The following TIMMDC1 variants were observed in gnomAD, a reference collection of about 807,000 sequenced individuals.
The protein encoded by TIMMDC1 is complex I assembly factor TIMMDC1, mitochondrial.
TIMMDC1 carries 25 observed loss-of-function variants against 32.6 expected under a neutral mutation model. That is an observed-to-expected ratio of 0.77 (90% CI 0.56 to 1.07). TIMMDC1 has a LOEUF of 1.07. TIMMDC1 is among the 50% of genes least tolerant of loss of function. The probability of loss-of-function intolerance (pLI) is 0.00; values close to 1 mark genes in which losing one functional copy is unlikely to be tolerated. For synonymous variants in TIMMDC1, 130 were observed against 127.6 expected (o/e 1.02, Z -0.13); for missense variants, 329 against 349.2 (o/e 0.94, Z 0.46).
At chr3:119,507,614 G>T (rs2081926245) in intron 4 of TIMMDC1, among the ~76,000 whole-genome samples, 1 of 152,050 alleles carries the variant, frequency 6.6e-6, no homozygotes, top group Non-Finnish European at 1.5e-5. Flanking sequence ...TCTTCATATG[G>T]TAAGTCCAGT....
In TIMMDC1 at chr3:119,500,918, A is replaced by G. The variant is rs76826434; in HGVS notation, c.360+58A>G. On this transcript the variant is annotated intron_variant, in intron 2 of 6. Transcript: ENST00000494664. ...ACACTGACTTAGTAATTCACTTTACACTTAATCATTCAATTAGGTTGTGGG... is the reference window on the plus strand; with the variant it reads ...ACACTGACTTAGTAATTCACTTTACGCTTAATCATTCAATTAGGTTGTGGG... 1,117 of 1,532,152 alleles carry G rather than the reference A, an allele frequency of 7.3e-4. 4 individuals carry two copies. In the African/African-American group the frequency reaches 0.014, roughly 19 times the overall value. The allele number at this position is 1,532,152 out of a possible 1,614,324, so 94.9% of individuals were successfully genotyped here. A position where few individuals can be genotyped will look rare whatever the true frequency, so the allele number is the denominator to read the frequency against.
intron 4 of TIMMDC1, 57 bp downstream of exon 4, chr3:119,504,078 T>A: frequency 7.6e-7 from 1 of 1,321,216 alleles, no homozygotes; most frequent in Non-Finnish European, 1.1e-6. Flanking sequence ...AGAAAATGTG[T>A]AAGGACTTAT....
At chr3:119,511,586 G>A (rs188778012) in intron 4 of TIMMDC1, among the ~76,000 whole-genome samples, 33 of 152,084 alleles carry the variant, frequency 2.2e-4, no homozygotes, top group African/African-American at 6.7e-4. Flanking sequence ...TAAGAAACTA[G>A]GAAACAGGAA....
rs1236665949 is a variant in TIMMDC1, at chr3:119,524,326, C to T, written c.*570C>T. ...GAAACGGTTCAACTTTGTTTCTTCCCTTAGTATTGCTGACAAAGTATCTGC... is the reference window on the plus strand; with the variant it reads ...GAAACGGTTCAACTTTGTTTCTTCCTTTAGTATTGCTGACAAAGTATCTGC... On this transcript the variant is annotated 3_prime_UTR_variant, in exon 7 of 7. Coordinates refer to ENST00000494664, the MANE Select transcript of TIMMDC1 (RefSeq NM_016589.4). The T allele has an allele frequency of 6.6e-6, 1 of 152,190 alleles. No individual in the cohort carries two copies. Among genetic ancestry groups the T allele is most frequent in the Non-Finnish European group, 1.5e-5 (1 of 68,016 alleles). The allele number at this position is 152,190 out of a possible 1,614,324, so 9.4% of individuals were successfully genotyped here. A position where few individuals can be genotyped will look rare whatever the true frequency, so the allele number is the denominator to read the frequency against.
At chr3:119,500,002 C>T (rs1361782556) in intron 1 of TIMMDC1, among the ~76,000 whole-genome samples, 1 of 152,168 alleles carries the variant, frequency 6.6e-6, no homozygotes, top group South Asian at 2.1e-4. Flanking sequence ...GATTTGAACT[C>T]GGGCTCAAGT....
At chr3:119,501,887 T>C (rs928521243) in intron 2 of TIMMDC1, among the ~76,000 whole-genome samples, 17 of 152,178 alleles carry the variant, frequency 1.1e-4, no homozygotes, top group African/African-American at 4.1e-4. Flanking sequence ...TTTGATGGTT[T>C]CTCATGACTG....
chr3:119,500,916 A>G, intron 2 of TIMMDC1, 56 bp downstream of exon 2: 1 of 1,535,048 alleles, frequency 6.5e-7, no homozygotes, highest in Non-Finnish European at 8.9e-7. Flanking sequence ...AATTCACTTT[A>G]CACTTAATCA....
Position 119,503,513 on chromosome 3 carries a change from GT to G in TIMMDC1, c.361-13del. On this transcript the variant is annotated intron_variant, in intron 2 of 6. Coordinates refer to ENST00000494664, the MANE Select transcript of TIMMDC1 (RefSeq NM_016589.4). ...TATGATGGTGTCTTAGAACCTCACA[GT>G]TTTTTAATTAACTTTAGCAATCTGC... 2 of 1,579,120 alleles carry G rather than the reference GT, an allele frequency of 1.3e-6. No individual in the cohort carries two copies. Among genetic ancestry groups the G allele is most frequent in the South Asian group, 1.2e-5 (1 of 84,986 alleles).
intron 4 of TIMMDC1, among the ~76,000 whole-genome samples, chr3:119,509,690 T>A (rs1480852790): frequency 6.6e-6 from 1 of 151,630 alleles, no homozygotes; most frequent in Admixed American, 6.6e-5. Context: ...AACTAAATTT[T>A]TTTTTTTTTT....
chr3:119,505,655 C>T (rs1298551776), intron 4 of TIMMDC1, among the ~76,000 whole-genome samples: 1 of 152,190 alleles, frequency 6.6e-6, no homozygotes, highest in Non-Finnish European at 1.5e-5. Context: ...GCGTAAGCTA[C>T]CACGCCCGGC....
At chr3:119,513,482 G>A (rs892459927) in intron 4 of TIMMDC1, among the ~76,000 whole-genome samples, 159 bp from the exon 5 acceptor site, 7 of 152,198 alleles carry the variant, frequency 4.6e-5, no homozygotes, top group Admixed American at 6.5e-5. Flanking sequence ...GAAGCTACCT[G>A]TGTTGGCATT....
chr3:119,500,338 A>G (rs2081861455), intron 1 of TIMMDC1: 2 of 165,588 alleles, frequency 1.2e-5, no homozygotes, highest in Non-Finnish European at 2.6e-5. Context: ...TAGGAAATGC[A>G]TTTCGAAAAA....
intron 4 of TIMMDC1, among the ~76,000 whole-genome samples, chr3:119,509,950 C>G (rs1343639423): frequency 6.6e-6 from 1 of 152,082 alleles, no homozygotes; most frequent in African/African-American, 2.4e-5. Flanking sequence ...TCCCAAAGTG[C>G]TGGGATTTCA....
chr3:119,512,370 C>T (rs756719459), intron 4 of TIMMDC1, among the ~76,000 whole-genome samples: 3 of 152,154 alleles, frequency 2.0e-5, no homozygotes, highest in Non-Finnish European at 2.9e-5. Flanking sequence ...CCTCTGCCGC[C>T]TGGGTTCAAG....
At chr3:119,507,666 T>C (rs1053007715) in intron 4 of TIMMDC1, among the ~76,000 whole-genome samples, 30 of 152,210 alleles carry the variant, frequency 2.0e-4, no homozygotes, top group Admixed American at 1.6e-3. Flanking sequence ...CTTACTCTCT[T>C]AGTTTTACTT....
At chr3:119,504,591 T>A (rs1274297426) in intron 4 of TIMMDC1, among the ~76,000 whole-genome samples, 1 of 152,188 alleles carries the variant, frequency 6.6e-6, no homozygotes, top group Admixed American at 6.5e-5. Flanking sequence ...AGTATATATA[T>A]GTATATTTTC....
In TIMMDC1 at chr3:119,503,957, A is replaced by G. The variant is rs537920788; in HGVS notation, c.453A>G (p.Thr151=). ...CCTTCTCCTCCCTTTTTACCAGCACAGTGAACACTAGTCTGAATGTATACC... is the reference window on the plus strand; with the variant it reads ...CCTTCTCCTCCCTTTTTACCAGCACGGTGAACACTAGTCTGAATGTATACC... The part of the protein sequence containing the change: ...RTAVFVTIFN[T]VNTSLNVYRN... Residue 151 remains threonine (T), a synonymous_variant, in exon 4 of 7, where the codon ACA becomes ACG. Transcript: ENST00000494664. The G allele has an allele frequency of 6.2e-7, 1 of 1,612,768 alleles. No individual in the cohort carries two copies. The highest frequency in any genetic ancestry group is 8.5e-7 in the Non-Finnish European group (1 of 1,179,066).
At chr3:119,509,544 T>C (rs2081939604) in intron 4 of TIMMDC1, among the ~76,000 whole-genome samples, 1 of 152,170 alleles carries the variant, frequency 6.6e-6, no homozygotes. Context: ...TAAGCAGATC[T>C]GTAGAGTTAG....
intron 4 of TIMMDC1, among the ~76,000 whole-genome samples, chr3:119,507,303 GTGTTTGTTTGTT>G (rs748852694): frequency 6.6e-6 from 1 of 152,036 alleles, no homozygotes; most frequent in Admixed American, 6.5e-5. Flanking sequence ...ATTTTATTCT[GTGTTTGTTTGTT>G]TGTTTGTTTT....
Sources: allele counts gnomAD v4.1 joint callset (sites outside exome capture counted in the v4.1 genomes callset), GRCh38; gene constraint gnomAD v4.1.1; transcripts MANE v1.5; gene names NCBI Gene and HGNC (gene_info 2026-07-23, HGNC 2026-07-21).